TMEM132B: variants seen among roughly 807,000 people sequenced by gnomAD.
The protein encoded by TMEM132B is transmembrane protein 132B.
In TMEM132B, 18 loss-of-function variants were observed where a neutral mutation model predicts 90.8. The observed-to-expected ratio is 0.20, with a 90% CI of 0.14 to 0.29. The LOEUF is 0.29. TMEM132B is among the 10% of genes least tolerant of loss of function. TMEM132B has a pLI of 1.00. For missense variants in TMEM132B, 1,096 were observed against 1,326.8 expected (o/e 0.83, Z 2.70); for synonymous variants, 504 against 523.3 (o/e 0.96, Z 0.50).
At chr12:125,593,873 A>C (rs1455143419) in intron 5 of TMEM132B, among the ~76,000 whole-genome samples, 2 of 152,224 alleles carry the variant, frequency 1.3e-5, no homozygotes, top group South Asian at 2.1e-4. Flanking sequence ...GGCTACTGCC[A>C]CCTCTACTAT....
At chr12:125,634,661 C>T (rs1303661439) in intron 5 of TMEM132B, among the ~76,000 whole-genome samples, 2 of 152,110 alleles carry the variant, frequency 1.3e-5, no homozygotes, top group Non-Finnish European at 2.9e-5. Flanking sequence ...AGGACTGGCT[C>T]CTTTCCTTCA....
chr12:125,500,982 AGAAGACAGGT>A (rs1358715102), intron 3 of TMEM132B, among the ~76,000 whole-genome samples: 6 of 152,224 alleles, frequency 3.9e-5, no homozygotes, highest in Non-Finnish European at 8.8e-5. Context: ...TCAAAGAAAC[AGAAGACAGGT>A]GAAGACAGTT....
At chr12:125,596,936 G>A (rs1885453800) in intron 5 of TMEM132B, among the ~76,000 whole-genome samples, 1 of 152,162 alleles carries the variant, frequency 6.6e-6, no homozygotes, top group Admixed American at 6.5e-5. Context: ...CACATGTAGG[G>A]ACAGTGACTT....
At chr12:125,215,668 A>C (rs1175850190) in intron 1 of TMEM132B, among the ~76,000 whole-genome samples, 1 of 152,110 alleles carries the variant, frequency 6.6e-6, no homozygotes, top group African/African-American at 2.4e-5. Context: ...CAGCCTCCCG[A>C]GTAGCTGGGA....
rs1422111890 is a variant in TMEM132B, at chr12:125,458,923, T to C, written c.1106+43246T>C. Among the ~76,000 whole-genome samples the C allele has an allele frequency of 6.6e-6, 1 of 152,210 alleles. No individual in the cohort carries two copies. Among genetic ancestry groups the C allele is most frequent in the African/African-American group, 2.4e-5 (1 of 41,450 alleles). On this transcript the variant is annotated intron_variant, in intron 3 of 8. Coordinates refer to ENST00000682704, the MANE Select transcript of TMEM132B (RefSeq NM_001366854.1). This position sits in a 1 kb window ranked among gnomAD's most constrained non-coding sequence, Gnocchi z 4.9. ...GCACAGATGTGGCAGTGTGGAATCATGAATGTTATCTGCCCTGTCCAAGTC... is the reference window on the plus strand; with the variant it reads ...GCACAGATGTGGCAGTGTGGAATCACGAATGTTATCTGCCCTGTCCAAGTC...
chr12:125,276,652 G>A (rs1200294441), intron 1 of TMEM132B, among the ~76,000 whole-genome samples: 1 of 152,148 alleles, frequency 6.6e-6, no homozygotes, highest in African/African-American at 2.4e-5. Context: ...TCGTGCCTTT[G>A]GGGGCTGCCT....
rs762533437 is a variant in TMEM132B, at chr12:125,213,094, C to G, written c.67+26228C>G. Among the ~76,000 whole-genome samples the G allele has an allele frequency of 1.1e-4, 16 of 152,200 alleles. No homozygotes were observed. Among genetic ancestry groups the G allele is most frequent in the Admixed American group, 2.0e-4 (3 of 15,280 alleles). On this transcript the variant is annotated intron_variant, in intron 1 of 8. Transcript: ENST00000682704. This position sits in a 1 kb window ranked among gnomAD's most constrained non-coding sequence, Gnocchi z 4.2. Reference sequence around the variant, plus strand: ...AGCGGTCACTCCCTACTGCCTTCAACCCCTGGCAAATACGCTTCTACTTTC... The same window carrying G: ...AGCGGTCACTCCCTACTGCCTTCAAGCCCTGGCAAATACGCTTCTACTTTC...
intron 5 of TMEM132B, among the ~76,000 whole-genome samples, chr12:125,606,314 CTTTTT>C (rs368313402): frequency 3.1e-5 from 4 of 129,600 alleles, no homozygotes; most frequent in Admixed American, 7.7e-5. Context: ...GATTTCTTTC[CTTTTT>C]TTTTTTTTTT....
chr12:125,242,760 C>A (rs1874102685), intron 1 of TMEM132B, among the ~76,000 whole-genome samples: 1 of 152,226 alleles, frequency 6.6e-6, no homozygotes, highest in African/African-American at 2.4e-5. Flanking sequence ...TGCTGCCAAG[C>A]AGCAGTTGTC....
intron 5 of TMEM132B, chr12:125,622,423 G>C (rs945133903): frequency 5.1e-6 from 5 of 974,742 alleles, no homozygotes; most frequent in African/African-American, 3.5e-5. Flanking sequence ...TGGGAGCCAG[G>C]TCTGAGGCCA....
chr12:125,512,996 C>T (rs538306151), intron 3 of TMEM132B, among the ~76,000 whole-genome samples: 3 of 152,240 alleles, frequency 2.0e-5, no homozygotes, highest in South Asian at 2.1e-4. Flanking sequence ...GGAGGGGAAA[C>T]GGGGGTGATG....
intron 4 of TMEM132B, among the ~76,000 whole-genome samples, chr12:125,520,345 C>G (rs553933960): frequency 1.3e-5 from 2 of 152,322 alleles, no homozygotes; most frequent in South Asian, 4.1e-4. Context: ...ATTTTCTGCA[C>G]TGCCTTGACT....
intron 1 of TMEM132B, among the ~76,000 whole-genome samples, chr12:125,199,481 G>A (rs1434150668): frequency 1.3e-5 from 2 of 152,200 alleles, no homozygotes; most frequent in Non-Finnish European, 2.9e-5. Context: ...GATACAGTGA[G>A]CTCAAGTGAC....
In TMEM132B at chr12:125,409,621, AGGAGT is replaced by A. The variant is rs1313496185; in HGVS notation, c.960-5895_960-5891del. On this transcript the variant is annotated intron_variant, in intron 2 of 8. Coordinates refer to ENST00000682704, the MANE Select transcript of TMEM132B (RefSeq NM_001366854.1). ...GGAGGAGTGGAGTGGAGTGGAGTGG[AGGAGT>A]GGAGTGGAGTGGAGGAGTGGAGTGG... Among the ~76,000 whole-genome samples the A allele has an allele frequency of 4.6e-3, 225 of 48,630 alleles. 9 individuals are homozygous for A. Among genetic ancestry groups the A allele is most frequent in the African/African-American group, 0.022 (189 of 8,620 alleles). The allele number at this position is 48,630 out of a possible 152,430, so 31.9% of individuals were successfully genotyped here. A position where few individuals can be genotyped will look rare whatever the true frequency, so the allele number is the denominator to read the frequency against.
intron 5 of TMEM132B, among the ~76,000 whole-genome samples, chr12:125,607,141 T>C (rs894610355): frequency 5.3e-5 from 8 of 152,196 alleles, no homozygotes; most frequent in African/African-American, 1.9e-4. Flanking sequence ...TCCAGTCAGG[T>C]GGTATAGCAT....
At chr12:125,546,246 G>T (rs1427675305) in intron 4 of TMEM132B, among the ~76,000 whole-genome samples, 1 of 151,558 alleles carries the variant, frequency 6.6e-6, no homozygotes, top group Non-Finnish European at 1.5e-5. Context: ...ACAGTGGCAC[G>T]ATCTCAGCTC....
chr12:125,281,532 T>C (rs917649720), intron 1 of TMEM132B, among the ~76,000 whole-genome samples: 2 of 152,170 alleles, frequency 1.3e-5, no homozygotes, highest in Non-Finnish European at 2.9e-5. Flanking sequence ...CTCAATTTTC[T>C]TGACCATAAA....
intron 4 of TMEM132B, among the ~76,000 whole-genome samples, chr12:125,541,559 A>G (rs565147145): frequency 1.7e-4 from 26 of 152,314 alleles, no homozygotes; most frequent in African/African-American, 6.3e-4. Context: ...TTTCATTACC[A>G]CAGGACTTCT....
intron 4 of TMEM132B, among the ~76,000 whole-genome samples, chr12:125,558,103 G>C (rs531231911): frequency 6.6e-6 from 1 of 152,226 alleles, no homozygotes; most frequent in African/African-American, 2.4e-5. Flanking sequence ...TTCCTTTTGA[G>C]AGGAAAGGCA....
Sources: gnomAD v4.1 joint callset for allele counts (sites outside exome capture counted in the v4.1 genomes callset) on GRCh38, gnomAD v4.1.1 for gene constraint, Gnocchi (gnomAD v3.1) non-coding constraint, MANE v1.5 for transcripts, NCBI Gene and HGNC (gene_info 2026-07-23, HGNC 2026-07-21) for gene names.